TRHDE: variants seen among roughly 807,000 people sequenced by gnomAD.
TRHDE encodes thyrotropin-releasing hormone-degrading ectoenzyme.
In TRHDE, 72 loss-of-function variants were observed where a neutral mutation model predicts 125.7. The observed-to-expected ratio is 0.57, with a 90% confidence interval of 0.47 to 0.70. The LOEUF (loss-of-function observed/expected upper bound fraction) is 0.70. Ranked by LOEUF, TRHDE falls within the 30% of genes least tolerant of loss-of-function variation. TRHDE has a pLI of 0.00. For missense variants in TRHDE, 1,110 were observed against 1,327.1 expected (o/e 0.84, Z 2.54); for synonymous variants, 509 against 509.1 (o/e 1.00, Z 0.00).
intron 7 of TRHDE, among the ~76,000 whole-genome samples, chr12:72,549,761 A>G (rs886572984): frequency 2.6e-5 from 4 of 151,812 alleles, no homozygotes; most frequent in African/African-American, 9.7e-5. Context: ...TAAAAATTCC[A>G]TCTTTAATAC....
At chr12:72,556,943 G>A (rs114368767) in intron 7 of TRHDE, among the ~76,000 whole-genome samples, 1,644 of 152,196 alleles carry the variant, frequency 0.011, 29 homozygotes, top group African/African-American at 0.037. Context: ...CTGTCTCACT[G>A]GAGAAAGCAC....
intron 2 of TRHDE, among the ~76,000 whole-genome samples, chr12:72,145,329 C>T (rs770928219): frequency 1.4e-4 from 21 of 152,054 alleles, no homozygotes; most frequent in Non-Finnish European, 1.8e-4. Flanking sequence ...CACAGAGATC[C>T]GCATACTACC....
chr12:72,242,073 A>G (rs1180012470), intron 2 of TRHDE, among the ~76,000 whole-genome samples: 1 of 151,214 alleles, frequency 6.6e-6, no homozygotes, highest in Non-Finnish European at 1.5e-5. Context: ...ATTTAAATAT[A>G]CTTTCACCAA....
At chr12:72,373,103 C>T (rs535035213) in intron 2 of TRHDE, among the ~76,000 whole-genome samples, 4 of 152,262 alleles carry the variant, frequency 2.6e-5, no homozygotes, top group African/African-American at 9.6e-5. Flanking sequence ...AGAGATCCTT[C>T]ATGTCCCTTG....
intron 15 of TRHDE, among the ~76,000 whole-genome samples, chr12:72,644,272 G>A (rs990535661): frequency 5.3e-5 from 8 of 151,770 alleles, no homozygotes; most frequent in East Asian, 3.9e-4. Flanking sequence ...TCCTCCTCCC[G>A]GCTTCTCCCA....
At chr12:72,305,615 G>A (rs1219559172) in intron 2 of TRHDE, among the ~76,000 whole-genome samples, 1 of 152,168 alleles carries the variant, frequency 6.6e-6, no homozygotes, top group Non-Finnish European at 1.5e-5. Context: ...CCTACAACTG[G>A]AGAAAGGATA....
intron 3 of TRHDE, among the ~76,000 whole-genome samples, chr12:72,459,343 C>A (rs1876017108): frequency 6.6e-6 from 1 of 152,152 alleles, no homozygotes; most frequent in Non-Finnish European, 1.5e-5. Context: ...CTAATATAGT[C>A]ACAGGTTCCA....
intron 3 of TRHDE, among the ~76,000 whole-genome samples, chr12:72,449,958 C>T (rs1481500722): frequency 2.0e-5 from 3 of 151,920 alleles, no homozygotes; most frequent in Admixed American, 1.3e-4. Context: ...ACAATGATTC[C>T]ATTCATTTCC....
intron 2 of TRHDE, 36 bp downstream of exon 2, chr12:72,286,990 T>A (rs1325010742): frequency 1.0e-5 from 16 of 1,596,242 alleles, no homozygotes; most frequent in Non-Finnish European, 1.4e-5. Context: ...TTTTGGATAA[T>A]GTACACTCTG....
intron 6 of TRHDE, among the ~76,000 whole-genome samples, chr12:72,528,528 T>C (rs1272537932): frequency 6.6e-6 from 1 of 152,216 alleles, no homozygotes; most frequent in African/African-American, 2.4e-5. Context: ...AGCTTCTTTT[T>C]TTTTTGAGAC....
intron 3 of TRHDE, among the ~76,000 whole-genome samples, chr12:72,387,515 A>T (rs983079083): frequency 6.6e-6 from 1 of 152,138 alleles, no homozygotes; most frequent in Non-Finnish European, 1.5e-5. Flanking sequence ...TTAAAGAGTT[A>T]ATTTACAGAG....
intron 2 of TRHDE, among the ~76,000 whole-genome samples, chr12:72,326,403 G>A (rs1869342766): frequency 6.6e-6 from 1 of 152,056 alleles, no homozygotes; most frequent in Non-Finnish European, 1.5e-5. Context: ...CTGTTGAGGG[G>A]CGCGGGGCTA....
intron 3 of TRHDE, among the ~76,000 whole-genome samples, chr12:72,422,831 T>G (rs1327959404): frequency 6.6e-6 from 1 of 152,150 alleles, no homozygotes; most frequent in African/African-American, 2.4e-5. Flanking sequence ...TGAGGGCTCT[T>G]TCATTATAAG....
Position 72,473,240 on chromosome 12 carries a change from G to A in TRHDE, c.1584+60G>A. Reference sequence around the variant, plus strand: ...AAAGGCCGATCTAGTGTTACATTAGGCTTATACCATCCTTAGAGATGACTA... The same window carrying A: ...AAAGGCCGATCTAGTGTTACATTAGACTTATACCATCCTTAGAGATGACTA... On this transcript the variant is annotated intron_variant, in intron 5 of 18. Coordinates refer to ENST00000261180, the MANE Select transcript of TRHDE (RefSeq NM_013381.3). The A allele has an allele frequency of 2.3e-6, 3 of 1,296,276 alleles. No homozygotes were observed. The Admixed American group carries it at 5.2e-5, about 23-fold the overall frequency. 80.3% of individuals were successfully genotyped at this position (1,296,276 alleles called of 1,614,324 possible).
chr12:72,343,859 G>A (rs1870194479), intron 2 of TRHDE, among the ~76,000 whole-genome samples: 1 of 151,998 alleles, frequency 6.6e-6, no homozygotes, highest in Non-Finnish European at 1.5e-5. Flanking sequence ...TTGCTGGTTG[G>A]TGTCCTGAAA....
intron 2 of TRHDE, among the ~76,000 whole-genome samples, chr12:72,355,775 A>T (rs972382570): frequency 6.6e-6 from 1 of 151,894 alleles, no homozygotes; most frequent in African/African-American, 2.4e-5. Flanking sequence ...GAAGACAGAC[A>T]TGTGGCCCAC....
intron 2 of TRHDE, among the ~76,000 whole-genome samples, chr12:72,295,457 A>G (rs1880259404): frequency 6.6e-6 from 1 of 152,176 alleles, no homozygotes; most frequent in Non-Finnish European, 1.5e-5. Context: ...TATTGCAAAA[A>G]GAAGGAAGTT....
intron 12 of TRHDE, among the ~76,000 whole-genome samples, chr12:72,609,063 C>T (rs1872549176): frequency 6.6e-6 from 1 of 152,136 alleles, no homozygotes; most frequent in African/African-American, 2.4e-5. Flanking sequence ...ACAAGGAACC[C>T]TAAAGCAATG....
At chr12:72,597,713 GTATATATA>G (rs762515309) in intron 12 of TRHDE, among the ~76,000 whole-genome samples, 399 of 18,452 alleles carry the variant, frequency 0.022, 5 homozygotes, top group Admixed American at 0.063. Flanking sequence ...GTGTGTGTAT[GTATATATA>G]TATATATATA....
Sources: allele counts gnomAD v4.1 joint callset (sites outside exome capture counted in the v4.1 genomes callset), GRCh38; gene constraint gnomAD v4.1.1; transcripts MANE v1.5; gene names NCBI Gene and HGNC (gene_info 2026-07-23, HGNC 2026-07-21).